The following LARGE1 variants were observed in gnomAD, a reference collection of about 807,000 sequenced individuals.
LARGE1 encodes xylosyl- and glucuronyltransferase LARGE1.
A neutral mutation model predicts 87.6 loss-of-function variants in LARGE1; 43 were observed. That is an observed-to-expected ratio of 0.49 (90% CI 0.38 to 0.63). LARGE1 has a LOEUF of 0.63. Among genes scored for constraint, LARGE1 ranks in the 30% least tolerant of loss-of-function variants. The pLI is 0.00. For missense variants in LARGE1, 802 were observed against 1,000.2 expected, an observed-to-expected ratio of 0.80 and a Z score of 2.67; for synonymous variants, 434 against 394.6, an observed-to-expected ratio of 1.10 and a Z score of -1.18.
chr22:33,538,581 C>T (rs78383902), intron 6 of LARGE1, among the ~76,000 whole-genome samples: 1 of 152,106 alleles, frequency 6.6e-6, no homozygotes, highest in Non-Finnish European at 1.5e-5. Context: ...ATTTACTGAG[C>T]CCAGTGTTGA....
chr22:33,427,157 C>T (rs765148927), intron 7 of LARGE1, among the ~76,000 whole-genome samples: 1 of 152,212 alleles, frequency 6.6e-6, no homozygotes, highest in African/African-American at 2.4e-5. Context: ...CTGCTCACAG[C>T]TGAATGCTGG....
rs531894455 is a variant in LARGE1, at chr22:33,394,198, CTT to C, written c.893-9896_893-9895del. The stretch of plus-strand genomic sequence containing the variant: ...AACTTAACTTAGATGACCTCTGATT[CTT>C]TTTTTTTTTTTTTTTTGAGACAGAG... On this transcript the variant is annotated intron_variant, in intron 7 of 14. Transcript: ENST00000397394. Among the ~76,000 whole-genome samples the C allele has an allele frequency of 9.1e-3, 1,156 of 126,760 alleles. 11 individuals are homozygous for C. Among genetic ancestry groups the C allele is most frequent in the African/African-American group, 0.033 (1,083 of 32,730 alleles). The allele number at this position is 126,760 out of a possible 152,430, so 83.2% of individuals were successfully genotyped here.
intron 2 of LARGE1, among the ~76,000 whole-genome samples, chr22:33,723,022 G>A (rs1189813480): frequency 6.6e-6 from 1 of 152,056 alleles, no homozygotes; most frequent in Non-Finnish European, 1.5e-5. Flanking sequence ...TAGGCAATGA[G>A]GAGCCACAGA....
In LARGE1 at chr22:33,320,386, G is replaced by A. The variant is rs529181815; in HGVS notation, c.1288-4138C>T. On this transcript the variant is annotated intron_variant, in intron 10 of 14. Transcript: ENST00000397394. ...TCAAGATTCAGCCCAGATGGCACCT[G>A]CTCTGTGAGACCTCTGCAGATCCTG... 5.3e-5 allele frequency among the ~76,000 whole-genome samples: 8 copies of A among 152,310 alleles called. No individual in the cohort carries two copies. The South Asian group carries it at 1.7e-3, about 32-fold the overall frequency.
intron 10 of LARGE1, among the ~76,000 whole-genome samples, chr22:33,318,886 C>G (rs1377808091): frequency 1.3e-5 from 2 of 151,908 alleles, no homozygotes; most frequent in African/African-American, 2.4e-5. Context: ...AGCTGAATAC[C>G]ATAGAATGTT....
intron 2 of LARGE1, among the ~76,000 whole-genome samples, chr22:33,696,180 C>T (rs2082240884): frequency 1.3e-5 from 2 of 151,974 alleles, no homozygotes; most frequent in East Asian, 3.8e-4. Flanking sequence ...TTTCATAGTC[C>T]AGCGATAACT....
upstream of LARGE1, among the ~76,000 whole-genome samples, chr22:33,921,023 AT>A (rs2065933303): frequency 6.7e-6 from 1 of 149,144 alleles, no homozygotes; most frequent in Non-Finnish European, 1.5e-5. This position sits in a 1 kb window ranked among gnomAD's most constrained non-coding sequence, Gnocchi z 4.1. Context: ...TGTCTGTGTC[AT>A]GTCTGTGCAG....
At chr22:33,656,735 C>T (rs1406006196) in intron 2 of LARGE1, among the ~76,000 whole-genome samples, 2 of 151,704 alleles carry the variant, frequency 1.3e-5, no homozygotes, top group African/African-American at 4.8e-5. Context: ...AGCCCACTTT[C>T]AGCTTAAAAT....
Position 33,465,649 on chromosome 22 carries a change from T to C in LARGE1, c.788-33384A>G, listed in dbSNP as rs149892657. Among the ~76,000 whole-genome samples, 67 of 152,302 alleles carry C rather than the reference T, an allele frequency of 4.4e-4. No homozygotes were observed. In the East Asian group the frequency reaches 0.013, roughly 29 times the overall value. On this transcript the variant is annotated intron_variant, in intron 6 of 14. Coordinates refer to ENST00000397394, the MANE Select transcript of LARGE1 (RefSeq NM_133642.5). ...TTAAGTGTCTATTCACACGTCCATC[T>C]TCCTGTTTTGACTGTGAAGCCAGCG...
chr22:33,231,935 G>A (rs1312941909), intron 11 of LARGE1, among the ~76,000 whole-genome samples: 1 of 152,092 alleles, frequency 6.6e-6, no homozygotes. Context: ...CATAACTTTT[G>A]CCAGACACCT....
intron 2 of LARGE1, among the ~76,000 whole-genome samples, chr22:33,691,109 C>G (rs953778456): frequency 6.6e-6 from 1 of 152,150 alleles, no homozygotes; most frequent in Admixed American, 6.5e-5. Context: ...GGCTTGAGAG[C>G]AGTGCAAATT....
intron 9 of LARGE1, among the ~76,000 whole-genome samples, chr22:33,338,486 G>C (rs1403585550): frequency 1.3e-5 from 2 of 152,064 alleles, no homozygotes; most frequent in African/African-American, 2.4e-5. Context: ...TATTTCTTCA[G>C]CTCTAGGGTA....
At chr22:33,402,165 C>T (rs1431985095) in intron 7 of LARGE1, among the ~76,000 whole-genome samples, 2 of 152,138 alleles carry the variant, frequency 1.3e-5, no homozygotes, top group African/African-American at 4.8e-5. Flanking sequence ...AGTGGCAGAG[C>T]TGGGGTTTCA....
chr22:33,891,151 T>C (rs181113808), intron 1 of LARGE1, among the ~76,000 whole-genome samples: 54 of 152,262 alleles, frequency 3.5e-4, no homozygotes, highest in African/African-American at 1.2e-3. Context: ...TTGAGAGTCA[T>C]TTCAGAGTTC....
At chr22:33,478,722 G>A (rs2069183209) in intron 6 of LARGE1, among the ~76,000 whole-genome samples, 1 of 152,168 alleles carries the variant, frequency 6.6e-6, no homozygotes, top group Admixed American at 6.6e-5. Context: ...GAAAGCATCT[G>A]GCACAATGCC....
intron 6 of LARGE1, among the ~76,000 whole-genome samples, chr22:33,459,577 C>T (rs548380925): frequency 6.6e-6 from 1 of 152,028 alleles, no homozygotes; most frequent in South Asian, 2.1e-4. Context: ...TTACATTGCA[C>T]TGCCAGCCCA....
At chr22:33,517,241 A>G (rs2071354065) in intron 6 of LARGE1, among the ~76,000 whole-genome samples, 1 of 152,148 alleles carries the variant, frequency 6.6e-6, no homozygotes. Context: ...AAAATTGGAA[A>G]GTGGCTACAA....
chr22:33,491,169 G>C (rs2069824368), intron 6 of LARGE1, among the ~76,000 whole-genome samples: 1 of 152,198 alleles, frequency 6.6e-6, no homozygotes, highest in Admixed American at 6.5e-5. Flanking sequence ...TTGGTACACA[G>C]TATATGGAAT....
the LARGE1 span, among the ~76,000 whole-genome samples, chr22:33,101,983 C>T: frequency 2.6e-5 from 4 of 152,138 alleles, no homozygotes; most frequent in African/African-American, 7.2e-5. Flanking sequence ...CATTCTTTTT[C>T]CTACCAAATG....
Sources: allele counts gnomAD v4.1 joint callset (sites outside exome capture counted in the v4.1 genomes callset), GRCh38; gene constraint gnomAD v4.1.1; non-coding constraint Gnocchi (gnomAD v3.1); transcripts MANE v1.5; gene names NCBI Gene and HGNC (gene_info 2026-07-23, HGNC 2026-07-21).